Variants in NEK11 observed in about 807,000 individuals in gnomAD.
NEK11 encodes serine/threonine-protein kinase Nek11.
In NEK11, 72 loss-of-function variants were observed where a neutral mutation model predicts 80.7. That is an observed-to-expected ratio of 0.89 (90% CI 0.74 to 1.08). NEK11 has a LOEUF of 1.08. Among genes scored for constraint, NEK11 ranks in the 50% least tolerant of loss-of-function variants. NEK11 has a pLI of 0.00. For synonymous variants in NEK11, 251 were observed against 260.7 expected, an observed-to-expected ratio of 0.96 and a Z score of 0.36; for missense variants, 764 against 763.6, an observed-to-expected ratio of 1.00 and a Z score of -0.01.
At chr3:131,080,954 A>T (rs920930070) in intron 4 of NEK11, among the ~76,000 whole-genome samples, 2 of 152,004 alleles carry the variant, frequency 1.3e-5, no homozygotes, top group African/African-American at 4.8e-5. Context: ...ACAGAAAATT[A>T]AAAAAATTAG....
chr3:131,061,928 C>G (rs1418084390), intron 3 of NEK11, among the ~76,000 whole-genome samples: 1 of 152,126 alleles, frequency 6.6e-6, no homozygotes, highest in East Asian at 1.9e-4. Flanking sequence ...TCATCAGCAC[C>G]CAATTCTGAG....
intron 15 of NEK11, among the ~76,000 whole-genome samples, chr3:131,234,630 C>A (rs2095397430): frequency 6.6e-6 from 1 of 151,990 alleles, no homozygotes; most frequent in African/African-American, 2.4e-5. Context: ...TCCACCCCTA[C>A]CCCCCATCCC....
intron 17 of NEK11, among the ~76,000 whole-genome samples, chr3:131,345,925 T>C (rs1256107242): frequency 2.0e-5 from 3 of 150,144 alleles, no homozygotes; most frequent in African/African-American, 7.4e-5. Context: ...TAGCCAGACA[T>C]AGGAATAAAA....
At chr3:131,064,170 G>A (rs532105089) in intron 3 of NEK11, among the ~76,000 whole-genome samples, 2 of 152,172 alleles carry the variant, frequency 1.3e-5, no homozygotes, top group Admixed American at 6.5e-5. Flanking sequence ...TATGGAGAGT[G>A]GGAATGGGTA....
intron 17 of NEK11, among the ~76,000 whole-genome samples, chr3:131,307,651 C>T (rs1449743997): frequency 1.3e-5 from 2 of 152,126 alleles, no homozygotes; most frequent in Non-Finnish European, 1.5e-5. Flanking sequence ...TCCAGGAAGC[C>T]AGGTCAAAAA....
chr3:131,044,431 A>AAG (rs1435306749), intron 3 of NEK11, among the ~76,000 whole-genome samples: 3 of 102,114 alleles, frequency 2.9e-5, no homozygotes, highest in Non-Finnish European at 6.5e-5. Flanking sequence ...GCAAAAAAAA[A>AAG]AAAAAAAAAA....
chr3:131,196,166 A>G (rs1401738073), intron 14 of NEK11, among the ~76,000 whole-genome samples: 1 of 152,142 alleles, frequency 6.6e-6, no homozygotes, highest in Non-Finnish European at 1.5e-5. Flanking sequence ...AAGATTTTCC[A>G]GAGATATGCA....
intron 17 of NEK11, among the ~76,000 whole-genome samples, chr3:131,283,149 C>T (rs926135813): frequency 4.6e-5 from 7 of 152,160 alleles, no homozygotes; most frequent in African/African-American, 1.4e-4. Flanking sequence ...GTAGTTAATT[C>T]TAAAACCAGA....
intron 17 of NEK11, among the ~76,000 whole-genome samples, chr3:131,274,053 AC>A (rs1440663931): frequency 3.3e-5 from 5 of 150,048 alleles, no homozygotes; most frequent in Non-Finnish European, 7.4e-5. Context: ...GGTGCGCTGC[AC>A]CCACTAACTC....
At chr3:131,083,511 C>A (rs2075581205) in intron 4 of NEK11, among the ~76,000 whole-genome samples, 1 of 152,168 alleles carries the variant, frequency 6.6e-6, no homozygotes, top group Non-Finnish European at 1.5e-5. Flanking sequence ...ATCATCAGAC[C>A]CAAATTTACT....
At chr3:131,168,345 T>TC (rs2150027331) in intron 12 of NEK11, among the ~76,000 whole-genome samples, 1 of 151,440 alleles carries the variant, frequency 6.6e-6, no homozygotes, top group East Asian at 1.9e-4. Context: ...TTCTTTTTTT[T>TC]TTTTTATTTT....
chr3:131,050,064 G>C (rs189527337), intron 3 of NEK11, among the ~76,000 whole-genome samples: 1 of 152,180 alleles, frequency 6.6e-6, no homozygotes, highest in Admixed American at 6.5e-5. Context: ...AGGTTAATGG[G>C]GGGGTGTCCC....
At chr3:131,180,464 A>G (rs1160728388) in intron 14 of NEK11, among the ~76,000 whole-genome samples, 2 of 152,228 alleles carry the variant, frequency 1.3e-5, no homozygotes, top group Non-Finnish European at 2.9e-5. Context: ...CTATTATAAA[A>G]TAGGCTTATT....
chr3:131,261,397 A>G (rs553563179), intron 16 of NEK11, among the ~76,000 whole-genome samples: 1 of 152,328 alleles, frequency 6.6e-6, no homozygotes, highest in South Asian at 2.1e-4. Flanking sequence ...CATAATGCTC[A>G]TAACATTTAC....
chr3:131,332,378 A>G (rs1437959184), intron 17 of NEK11, among the ~76,000 whole-genome samples: 1 of 152,210 alleles, frequency 6.6e-6, no homozygotes, highest in Non-Finnish European at 1.5e-5. Flanking sequence ...GACCTCTAGC[A>G]AACTCCAACA....
chr3:131,118,766 G>C (rs2081786595), intron 5 of NEK11, among the ~76,000 whole-genome samples: 2 of 152,260 alleles, frequency 1.3e-5, no homozygotes, highest in South Asian at 4.1e-4. Flanking sequence ...GAGTAGAGGT[G>C]TTTATAGTAT....
intron 17 of NEK11, among the ~76,000 whole-genome samples, chr3:131,337,785 C>A (rs2097211969): frequency 6.6e-6 from 1 of 152,054 alleles, no homozygotes; most frequent in East Asian, 1.9e-4. Flanking sequence ...GAATGAGAAT[C>A]AATCTGAACC....
intron 14 of NEK11, chr3:131,174,677 C>T: frequency 7.3e-7 from 1 of 1,364,692 alleles, no homozygotes; most frequent in Non-Finnish European, 1.0e-6. Context: ...CATTTAACTT[C>T]TTATATGTAA....
At chr3:131,305,534 A>T (rs912754423) in intron 17 of NEK11, among the ~76,000 whole-genome samples, 1 of 152,134 alleles carries the variant, frequency 6.6e-6, no homozygotes, top group Non-Finnish European at 1.5e-5. Flanking sequence ...AAGTCTCCTA[A>T]AGGAGCATGG....
Sources: allele counts gnomAD v4.1 joint callset (sites outside exome capture counted in the v4.1 genomes callset), GRCh38; gene constraint gnomAD v4.1.1; transcripts MANE v1.5; gene names NCBI Gene and HGNC (gene_info 2026-07-23, HGNC 2026-07-21).